The following SNTG1 variants were observed in gnomAD, a reference collection of about 807,000 sequenced individuals.
SNTG1 encodes the protein syntrophin gamma 1, also known as gamma-1-syntrophin.
A neutral mutation model predicts 74.7 loss-of-function variants in SNTG1; 39 were observed. The ratio of observed to expected loss-of-function variants is 0.52; its 90% confidence interval spans 0.40 to 0.68. The LOEUF is 0.68. Among genes scored for constraint, SNTG1 ranks in the 30% least tolerant of loss-of-function variants. The probability of loss-of-function intolerance (pLI) is 0.00; values close to 1 mark genes in which losing one functional copy is unlikely to be tolerated. For synonymous variants in SNTG1, 254 were observed against 217.1 expected (o/e 1.17, Z -1.49); for missense variants, 685 against 609.5 (o/e 1.12, Z -1.30).
intron 1 of SNTG1, among the ~76,000 whole-genome samples, chr8:49,951,024 A>G (rs1731433362): frequency 6.6e-6 from 1 of 152,226 alleles, no homozygotes; most frequent in African/African-American, 2.4e-5. Context: ...GGTTATTCAT[A>G]AAACCCTTAC....
chr8:50,564,772 T>C (rs1455334522), intron 12 of SNTG1, among the ~76,000 whole-genome samples: 2 of 152,128 alleles, frequency 1.3e-5, no homozygotes, highest in Non-Finnish European at 2.9e-5. Flanking sequence ...GCCTTATATC[T>C]TTGAAAATAA....
chr8:50,327,509 A>C (rs1182593424), intron 2 of SNTG1, among the ~76,000 whole-genome samples: 1 of 152,108 alleles, frequency 6.6e-6, no homozygotes, highest in African/African-American at 2.4e-5. Flanking sequence ...TAAACATTGT[A>C]TGTCTTTCTG....
chr8:50,213,007 A>G (rs532269979), intron 2 of SNTG1, among the ~76,000 whole-genome samples: 4 of 152,224 alleles, frequency 2.6e-5, no homozygotes, highest in African/African-American at 9.6e-5. Flanking sequence ...TTTGGAAATA[A>G]CATTTCTTCT....
At position 50,595,440 on chromosome 8, in the gene SNTG1, C is replaced by T. The variant is rs1563625181; in HGVS notation, c.849+4523C>T. ...GTTATTTTAAGTTAAACTAAAGGAG[C>T]CCACACCTAATTATGTAAAAATTTA... On this transcript the variant is annotated intron_variant, in intron 13 of 18. Transcript: ENST00000642720. 1.3e-5 allele frequency among the ~76,000 whole-genome samples: 2 copies of T among 151,852 alleles called. 1 individual carries two copies. The highest frequency in any genetic ancestry group is 4.2e-4 in the South Asian group (2 of 4,814).
intron 1 of SNTG1, among the ~76,000 whole-genome samples, chr8:50,112,911 G>T (rs1279889111): frequency 6.6e-6 from 1 of 151,978 alleles, no homozygotes; most frequent in African/African-American, 2.4e-5. Flanking sequence ...GTAAATGTGG[G>T]GTATTATTTC....
chr8:50,006,839 C>T (rs1452269876), intron 1 of SNTG1, among the ~76,000 whole-genome samples: 2 of 152,112 alleles, frequency 1.3e-5, no homozygotes, highest in Non-Finnish European at 2.9e-5. Flanking sequence ...GCTACGTCTG[C>T]CAGTTGAAAA....
chr8:49,917,402 A>C (rs1032554154), intron 1 of SNTG1, among the ~76,000 whole-genome samples: 3 of 152,194 alleles, frequency 2.0e-5, no homozygotes, highest in African/African-American at 4.8e-5. Context: ...TTAGAATCAG[A>C]CTTAAGTTCG....
At chr8:50,705,325 G>T (rs934667488) in intron 16 of SNTG1, among the ~76,000 whole-genome samples, 2 of 151,840 alleles carry the variant, frequency 1.3e-5, no homozygotes, top group African/African-American at 4.8e-5. Context: ...TACTTTTCTG[G>T]TTTTTTTACA....
intron 8 of SNTG1, among the ~76,000 whole-genome samples, chr8:50,451,020 C>T (rs537887539): frequency 8.5e-4 from 130 of 152,104 alleles, no homozygotes; most frequent in African/African-American, 2.3e-3. Context: ...CACCACTGGG[C>T]GAAATACATC....
intron 8 of SNTG1, among the ~76,000 whole-genome samples, chr8:50,473,556 T>A (rs2093670356): frequency 6.6e-6 from 1 of 152,148 alleles, no homozygotes; most frequent in Non-Finnish European, 1.5e-5. Context: ...ATCCAGAGTG[T>A]CTCCTCTGGG....
chr8:50,103,907 A>C (rs1052054887), intron 1 of SNTG1, among the ~76,000 whole-genome samples: 1 of 152,222 alleles, frequency 6.6e-6, no homozygotes, highest in Admixed American at 6.5e-5. Context: ...CCCAGGGATG[A>C]AGCCCACTTG....
intron 18 of SNTG1, among the ~76,000 whole-genome samples, chr8:50,788,865 T>C (rs572515269): frequency 6.6e-6 from 1 of 152,076 alleles, no homozygotes; most frequent in South Asian, 2.1e-4. Context: ...AGATCAATTG[T>C]CCAGGTTTCC....
At position 50,566,303 on chromosome 8, in the gene SNTG1, C is replaced by T. The variant is rs560259207; in HGVS notation, c.810+13124C>T. On this transcript the variant is annotated intron_variant, in intron 12 of 18. Transcript: ENST00000642720. ...AATCTGCATATAGTCCCAAAACAACCGGAAACTTTGAGATTAAAACCAGGT... is the reference window on the plus strand; with the variant it reads ...AATCTGCATATAGTCCCAAAACAACTGGAAACTTTGAGATTAAAACCAGGT... 9.8e-4 allele frequency among the ~76,000 whole-genome samples: 149 copies of T among 152,010 alleles called. 2 individuals are homozygous for T. The South Asian group carries it at 0.012, about 13-fold the overall frequency.
intron 2 of SNTG1, among the ~76,000 whole-genome samples, chr8:50,327,706 T>C (rs1184015412): frequency 6.6e-6 from 1 of 152,172 alleles, no homozygotes; most frequent in African/African-American, 2.4e-5. Context: ...TTGTTATTTC[T>C]ATTCATTGCC....
At chr8:49,998,514 C>A (rs867332315) in intron 1 of SNTG1, among the ~76,000 whole-genome samples, 1 of 151,310 alleles carries the variant, frequency 6.6e-6, no homozygotes, top group South Asian at 2.1e-4. Context: ...TTTTTAATAT[C>A]TTTACTATAC....
In SNTG1 at chr8:50,355,989, C is replaced by G. The variant is rs148991444; in HGVS notation, c.-27-38223C>G. ...CACCCCATGTAATATTGTCACAGCT[C>G]ATAGTAGGCTCTGGCTTTTTCTGCT... is the stretch of plus-strand genomic sequence containing the variant. On this transcript the variant is annotated intron_variant, in intron 2 of 18. Coordinates refer to ENST00000642720, the MANE Select transcript of SNTG1 (RefSeq NM_018967.5). 3.4e-3 allele frequency among the ~76,000 whole-genome samples: 515 copies of G among 152,244 alleles called. 2 individuals are homozygous for G. The highest frequency in any genetic ancestry group is 0.012 in the African/African-American group (482 of 41,544).
At chr8:50,335,272 C>T (rs2091104103) in intron 2 of SNTG1, among the ~76,000 whole-genome samples, 1 of 152,216 alleles carries the variant, frequency 6.6e-6, no homozygotes, top group Admixed American at 6.5e-5. Context: ...AGAACACCCA[C>T]ATATCATCTC....
chr8:50,610,583 T>C (rs530983072), intron 13 of SNTG1, among the ~76,000 whole-genome samples: 52 of 152,314 alleles, frequency 3.4e-4, no homozygotes, highest in Non-Finnish European at 2.6e-4. Context: ...ATTGTGGCCA[T>C]TTGTAAACTA....
At chr8:50,490,005 A>G (rs2093837004) in intron 8 of SNTG1, among the ~76,000 whole-genome samples, 1 of 152,200 alleles carries the variant, frequency 6.6e-6, no homozygotes, top group Non-Finnish European at 1.5e-5. Flanking sequence ...CAGTTTTCCC[A>G]ACACCATTTA....
Sources: gnomAD v4.1 joint callset for allele counts (sites outside exome capture counted in the v4.1 genomes callset) on GRCh38, gnomAD v4.1.1 for gene constraint, MANE v1.5 for transcripts, NCBI Gene and HGNC (gene_info 2026-07-23, HGNC 2026-07-21) for gene names.